Variants in MDM4 observed in about 807,000 individuals in gnomAD.
MDM4 encodes the protein MDM4 regulator of p53.
A neutral mutation model predicts 60.2 loss-of-function variants in MDM4; 2 were observed. The observed-to-expected ratio is 0.03, with a 90% CI of 0.01 to 0.10. MDM4 has a LOEUF of 0.10. Among genes scored for constraint, MDM4 ranks in the 10% least tolerant of loss-of-function variants. MDM4 has a pLI of 1.00. For missense variants in MDM4, 447 were observed against 577.5 expected (o/e 0.77, Z 2.32); for synonymous variants, 202 against 198.1 (o/e 1.02, Z -0.17).
chr1:204,540,606 T>C (rs1661970378), intron 7 of MDM4, among the ~76,000 whole-genome samples: 1 of 151,250 alleles, frequency 6.6e-6, no homozygotes, highest in African/African-American at 2.4e-5. Context: ...ATATTAAAAA[T>C]ACAAAAATTA....
In MDM4 at chr1:204,556,466, G is replaced by T; in HGVS notation, c.*6784G>T. On this transcript the variant is annotated 3_prime_UTR_variant, in exon 11 of 11. Coordinates refer to ENST00000367182, the MANE Select transcript of MDM4 (RefSeq NM_002393.5). ...TTATTCCAGCACTGGGGTGGCCAAA[G>T]TGGGCAGATTGCTTGCGCTCTGGAG... 4.5e-6 allele frequency: 1 copy of T among 223,788 alleles called. No individual in the cohort carries two copies. Among genetic ancestry groups the T allele is most frequent in the Non-Finnish European group, 8.9e-6 (1 of 111,984 alleles). The allele number at this position is 223,788 out of a possible 1,614,324, so 13.9% of individuals were successfully genotyped here.
At position 204,532,635 on chromosome 1, in the gene MDM4, A is replaced by G. The variant is rs904887696; in HGVS notation, c.343+389A>G. 25 of 800,732 alleles carry G rather than the reference A, an allele frequency of 3.1e-5. No individual in the cohort carries two copies. The Admixed American group carries it at 5.8e-4, about 18-fold the overall frequency. The allele number at this position is 800,732 out of a possible 1,614,324, so 49.6% of individuals were successfully genotyped here. On this transcript the variant is annotated intron_variant, in intron 5 of 10. Transcript: ENST00000367182. ...ATCATTTCCCCCAGTTATCTCAAAAATACCTTGTATTTTTGTCTTACTTGA... is the reference window on the plus strand; with the variant it reads ...ATCATTTCCCCCAGTTATCTCAAAAGTACCTTGTATTTTTGTCTTACTTGA...
rs1176832221 is a variant in MDM4, at chr1:204,557,991, A to G, written c.*8309A>G. On this transcript the variant is annotated 3_prime_UTR_variant, in exon 11 of 11. Transcript: ENST00000367182. The stretch of plus-strand genomic sequence containing the variant: ...GAGGAAAGAGGAAGGCATTTTCTGC[A>G]TTCTTGCCTAGTTTTCCTTATAAGC... 5.4e-6 allele frequency: 1 copy of G among 185,608 alleles called. No homozygotes were observed. Among genetic ancestry groups the G allele is most frequent in the Non-Finnish European group, 1.1e-5 (1 of 87,862 alleles). 11.5% of individuals were successfully genotyped at this position (185,608 alleles called of 1,614,324 possible).
At chr1:204,525,329 T>A in intron 1 of MDM4, 155 bp from the exon 2 acceptor site, 1 of 985,080 alleles carries the variant, frequency 1.0e-6, no homozygotes, top group South Asian at 4.7e-5. Flanking sequence ...TCAGAAGATA[T>A]GCAGAACCTC....
chr1:204,530,886 T>C, intron 4 of MDM4, 69 bp downstream of exon 4: 1 of 1,584,530 alleles, frequency 6.3e-7, no homozygotes, highest in Non-Finnish European at 8.6e-7. Context: ...CTATGGGTTA[T>C]TAATATTTAT....
chr1:204,539,688 CACT>C (rs1053857684), intron 7 of MDM4, among the ~76,000 whole-genome samples: 4 of 151,904 alleles, frequency 2.6e-5, no homozygotes, highest in African/African-American at 9.7e-5. Flanking sequence ...AGGCGTGCAC[CACT>C]ACGCCCAGCT....
intron 7 of MDM4, among the ~76,000 whole-genome samples, chr1:204,539,755 T>C (rs904515922): frequency 6.6e-6 from 1 of 151,450 alleles, no homozygotes; most frequent in Non-Finnish European, 1.5e-5. Flanking sequence ...CAGGATGGGT[T>C]GATGTCATGA....
chr1:204,538,326 G>A lies in MDM4; in HGVS notation c.511+18G>A, dbSNP rs1661630598. The stretch of plus-strand genomic sequence containing the variant: ...TAGAGAAGGTATGTTTTGGATTAAG[G>A]CTATATAGACTTTTGTTCTCTTCCT... On this transcript the variant is annotated intron_variant, in intron 7 of 10. Transcript: ENST00000367182. 1 of 1,353,572 alleles carries A rather than the reference G, an allele frequency of 7.4e-7. No individual in the cohort carries two copies. Among genetic ancestry groups the A allele is most frequent in the Non-Finnish European group, 1.1e-6 (1 of 947,270 alleles). The allele number at this position is 1,353,572 out of a possible 1,614,324, so 83.8% of individuals were successfully genotyped here.
At chr1:204,536,494 G>A (rs112684691) in intron 5 of MDM4, among the ~76,000 whole-genome samples, 28 of 152,294 alleles carry the variant, frequency 1.8e-4, no homozygotes, top group Admixed American at 8.5e-4. Context: ...TTATCAGATG[G>A]TGATGATATT....
In MDM4 at chr1:204,552,877, T is replaced by TC. The variant is rs1036335498; in HGVS notation, c.*3195_*3196insC. ...TAAACTATTTCTTTTCTTTTCTTTT[T>TC]TTTTTTTTTTTACTTGAGATGGAGT... On this transcript the variant is annotated 3_prime_UTR_variant, in exon 11 of 11. Transcript: ENST00000367182. The TC allele has an allele frequency of 1.8e-5, 3 of 163,502 alleles. No homozygotes were observed. The highest frequency in any genetic ancestry group is 7.2e-5 in the African/African-American group (3 of 41,598). 10.1% of individuals were successfully genotyped at this position (163,502 alleles called of 1,614,324 possible).
intron 5 of MDM4, chr1:204,532,722 A>G (rs550226659): frequency 3.6e-5 from 57 of 1,598,886 alleles, no homozygotes; most frequent in African/African-American, 2.4e-4. Context: ...TCTTTAATCT[A>G]TAAAACTTAA....
rs370220372 is a variant in MDM4 at position 204,549,344 on chromosome 1, A to C, written c.1135A>C (p.Lys379Gln). The C allele has an allele frequency of 6.2e-7, 1 of 1,614,194 alleles. No individual in the cohort carries two copies. ...CGTTAGACCTAAAGATGCGTATATA[A>C]AGAAAGAAAACTCCAAACTTTTTGA... ...PVVRPKDAYIKKENSKLFDPC... is the reference protein window; with the variant it reads ...PVVRPKDAYIQKENSKLFDPC... Residue 379 changes from lysine to glutamine, a missense_variant, in exon 11 of 11, where the codon AAG becomes CAG. Lys to Gln is a moderately conservative substitution (Grantham distance 53). Transcript: ENST00000367182.
At chr1:204,523,938 G>T (rs958045710) in intron 1 of MDM4, among the ~76,000 whole-genome samples, 1 of 152,050 alleles carries the variant, frequency 6.6e-6, no homozygotes, top group Non-Finnish European at 1.5e-5. Context: ...ATACTGATGG[G>T]CTATTTTAAA....
At chr1:204,526,683 T>C (rs1660203798) in intron 3 of MDM4, among the ~76,000 whole-genome samples, 1 of 152,112 alleles carries the variant, frequency 6.6e-6, no homozygotes, top group Non-Finnish European at 1.5e-5. Flanking sequence ...CAGGATGGTC[T>C]CAGTCTCCTG....
In MDM4 at chr1:204,536,378, T is replaced by C. The variant is rs1661430981; in HGVS notation, c.344-1052T>C. ...CTCCGTTTGTCCACAAAAATGTTTCTGGAAATAATGTTTTTTATAATTAGA... is the reference window on the plus strand; with the variant it reads ...CTCCGTTTGTCCACAAAAATGTTTCCGGAAATAATGTTTTTTATAATTAGA... On this transcript the variant is annotated intron_variant, in intron 5 of 10. Coordinates refer to ENST00000367182, the MANE Select transcript of MDM4 (RefSeq NM_002393.5). 2.0e-5 allele frequency among the ~76,000 whole-genome samples: 3 copies of C among 152,264 alleles called. No individual in the cohort carries two copies. In the South Asian group the frequency reaches 6.2e-4, roughly 32 times the overall value.
chr1:204,545,301 T>C (rs1478079274), intron 9 of MDM4, among the ~76,000 whole-genome samples: 1 of 152,162 alleles, frequency 6.6e-6, no homozygotes, highest in African/African-American at 2.4e-5. Context: ...ATTTTAGTGT[T>C]AAAATAGTAG....
intron 2 of MDM4, 139 bp from the exon 3 acceptor site, chr1:204,526,221 A>G: frequency 7.6e-6 from 5 of 661,270 alleles, no homozygotes; most frequent in Non-Finnish European, 1.4e-5. Context: ...ACACCACTGC[A>G]CTCCAGCCAA....
Position 204,554,371 on chromosome 1 carries a change from G to A in MDM4, c.*4689G>A, listed in dbSNP as rs1663414167. The A allele has an allele frequency of 4.4e-6, 1 of 225,702 alleles. No individual in the cohort carries two copies. Among genetic ancestry groups the A allele is most frequent in the South Asian group, 1.8e-4 (1 of 5,458 alleles). The allele number at this position is 225,702 out of a possible 1,614,324, so 14.0% of individuals were successfully genotyped here. A position where few individuals can be genotyped will look rare whatever the true frequency, so the allele number is the denominator to read the frequency against. Reference sequence around the variant, plus strand: ...AGAACTATATCCTAACGAGCAATTAGTTCTGATGGTTCTCCCAGTCATGAG... The same window carrying A: ...AGAACTATATCCTAACGAGCAATTAATTCTGATGGTTCTCCCAGTCATGAG... On this transcript the variant is annotated 3_prime_UTR_variant, in exon 11 of 11. Coordinates refer to ENST00000367182, the MANE Select transcript of MDM4 (RefSeq NM_002393.5).
Position 204,556,709 on chromosome 1 carries a change from G to T in MDM4, c.*7027G>T. ...GCTGTCTCAAAGAAATTGAGGTCAG[G>T]CTTCCTTCTTACAGAATTATTTTTT... On this transcript the variant is annotated 3_prime_UTR_variant, in exon 11 of 11. Transcript: ENST00000367182. 4.7e-6 allele frequency: 1 copy of T among 212,432 alleles called. No homozygotes were observed. The highest frequency in any genetic ancestry group is 9.5e-6 in the Non-Finnish European group (1 of 104,954). 13.2% of individuals were successfully genotyped at this position (212,432 alleles called of 1,614,324 possible). A position where few individuals can be genotyped will look rare whatever the true frequency, so the allele number is the denominator to read the frequency against.
Sources: allele counts gnomAD v4.1 joint callset (sites outside exome capture counted in the v4.1 genomes callset), GRCh38; gene constraint gnomAD v4.1.1; transcripts MANE v1.5; gene names NCBI Gene and HGNC (gene_info 2026-07-23, HGNC 2026-07-21).